The following BCAR3 variants were observed in gnomAD, a reference collection of about 807,000 sequenced individuals.
The protein encoded by BCAR3 is breast cancer anti-estrogen resistance protein 3.
In BCAR3, 37 loss-of-function variants were observed where a neutral mutation model predicts 80.1. That is an observed-to-expected ratio of 0.46 (90% CI 0.36 to 0.61). BCAR3 has a LOEUF of 0.61. Among genes scored for constraint, BCAR3 ranks in the 20% least tolerant of loss-of-function variants. The probability of loss-of-function intolerance (pLI) is 0.00; values close to 1 mark genes in which losing one functional copy is unlikely to be tolerated. For synonymous variants in BCAR3, 389 were observed against 418.9 expected, an observed-to-expected ratio of 0.93 and a Z score of 0.87; for missense variants, 978 against 1,068.2, an observed-to-expected ratio of 0.92 and a Z score of 1.18.
At chr1:93,800,070 A>C (rs1469182805) in intron 2 of BCAR3, among the ~76,000 whole-genome samples, 1 of 152,190 alleles carries the variant, frequency 6.6e-6, no homozygotes, top group Non-Finnish European at 1.5e-5. Context: ...GGAGTATTAC[A>C]AGGACTGGTG....
At chr1:93,800,670 G>A (rs1388097683) in intron 2 of BCAR3, among the ~76,000 whole-genome samples, 1 of 152,058 alleles carries the variant, frequency 6.6e-6, no homozygotes, top group Non-Finnish European at 1.5e-5. Context: ...ATGATTATCT[G>A]CTCTGAATTT....
chr1:93,764,631 C>T (rs1039690199), intron 2 of BCAR3, among the ~76,000 whole-genome samples: 5 of 152,160 alleles, frequency 3.3e-5, no homozygotes, highest in Admixed American at 3.3e-4. Context: ...CACATCGCTA[C>T]CAGGAGACCT....
chr1:93,772,314 T>G (rs12144059), intron 2 of BCAR3, among the ~76,000 whole-genome samples: 17,827 of 152,158 alleles, frequency 0.12, 1,465 homozygotes, highest in African/African-American at 0.22. Flanking sequence ...GGGGGCAGGA[T>G]ATGCCATGGC....
chr1:93,742,888 T>C (rs8179391), intron 2 of BCAR3, among the ~76,000 whole-genome samples: 41,854 of 152,106 alleles, frequency 0.28, 7,011 homozygotes, highest in East Asian at 0.53. Flanking sequence ...AATGTCATCA[T>C]ATAAAGAAGG....
At chr1:93,840,078 T>G (rs1334441247) in intron 2 of BCAR3, among the ~76,000 whole-genome samples, 1 of 152,182 alleles carries the variant, frequency 6.6e-6, no homozygotes. Context: ...AAAATGCTGA[T>G]GCCAGGGTCC....
intron 2 of BCAR3, among the ~76,000 whole-genome samples, chr1:93,717,676 C>T (rs1039994271): frequency 1.4e-5 from 2 of 146,040 alleles, no homozygotes; most frequent in South Asian, 2.1e-4. Context: ...TGCAGTGAGC[C>T]GAGATCGTGC....
At chr1:93,813,649 T>C (rs775753944) in intron 2 of BCAR3, among the ~76,000 whole-genome samples, 8 of 152,224 alleles carry the variant, frequency 5.3e-5, no homozygotes, top group Admixed American at 1.3e-4. Flanking sequence ...GTTGGAAACA[T>C]TGTACCCCTT....
At chr1:93,666,379 TTC>T (rs1647913750) in intron 2 of BCAR3, among the ~76,000 whole-genome samples, 1 of 152,214 alleles carries the variant, frequency 6.6e-6, no homozygotes, top group Admixed American at 6.5e-5. Context: ...CTGAAATATA[TTC>T]TCTTTTTATA....
chr1:93,633,378 TC>T (rs1482976271), intron 3 of BCAR3, among the ~76,000 whole-genome samples: 1 of 152,160 alleles, frequency 6.6e-6, no homozygotes, highest in Admixed American at 6.5e-5. Context: ...AACTTTCCAT[TC>T]CCACTGCGAC....
chr1:93,829,542 G>A (rs531020560), intron 2 of BCAR3, among the ~76,000 whole-genome samples: 17 of 151,644 alleles, frequency 1.1e-4, no homozygotes, highest in South Asian at 6.3e-4. Context: ...AAATTCCACC[G>A]AGAACTCCCA....
intron 3 of BCAR3, among the ~76,000 whole-genome samples, chr1:93,595,877 G>C (rs1208358709): frequency 1.3e-5 from 2 of 152,222 alleles, no homozygotes; most frequent in Non-Finnish European, 2.9e-5. Flanking sequence ...GAATTCTGTA[G>C]GCTTCCCACA....
intron 3 of BCAR3, among the ~76,000 whole-genome samples, chr1:93,699,226 C>A (rs1171971007): frequency 6.6e-6 from 1 of 152,204 alleles, no homozygotes; most frequent in African/African-American, 2.4e-5. Context: ...CTGTCTGGCT[C>A]CGACACATGG....
In BCAR3 at chr1:93,589,265, C is replaced by T. The variant is rs769831657; in HGVS notation, c.641G>A (p.Arg214His). The change falls in exon 5 of 12, where the codon CGC becomes CAC. Residue 214 changes from arginine (R) to histidine (H), a missense_variant. Coordinates refer to ENST00000260502, the MANE Select transcript of BCAR3 (RefSeq NM_003567.4). ...CTCCATCTCGAACTGGTACTGCACG[C>T]GGCTGTAGGCCTCGCTGAGTCGCAG... ...TVLRLSEAYS[R>H]VQYQFEMESF... 277 of 1,614,186 alleles carry T rather than the reference C, an allele frequency of 1.7e-4. No homozygotes were observed. Among genetic ancestry groups the T allele is most frequent in the Non-Finnish European group, 1.9e-4 (222 of 1,180,044 alleles).
At chr1:93,822,766 T>TC (rs1201932741) in intron 2 of BCAR3, among the ~76,000 whole-genome samples, 2 of 152,020 alleles carry the variant, frequency 1.3e-5, no homozygotes, top group Non-Finnish European at 2.9e-5. Flanking sequence ...ATTTTTTTTT[T>TC]TCCTGAAAGT....
At chr1:93,643,545 C>CAAAA (rs547667389) in intron 2 of BCAR3, among the ~76,000 whole-genome samples, 9 of 22,290 alleles carry the variant, frequency 4.0e-4, no homozygotes, top group African/African-American at 5.1e-4. Flanking sequence ...GACTCTTTCT[C>CAAAA]AAAAAAAAAA....
intron 2 of BCAR3, among the ~76,000 whole-genome samples, chr1:93,843,114 T>C (rs181877948): frequency 6.6e-6 from 1 of 152,270 alleles, no homozygotes; most frequent in East Asian, 1.9e-4. Flanking sequence ...AACCATGTGG[T>C]GGGTGGGACA....
chr1:93,594,401 A>C (rs1054847487), intron 3 of BCAR3: 2 of 152,204 alleles, frequency 1.3e-5, no homozygotes, highest in Non-Finnish European at 2.9e-5. Flanking sequence ...CTCAGTTCTG[A>C]CCAAGGAGCT....
At chr1:93,833,082 G>A (rs776829021) in intron 2 of BCAR3, among the ~76,000 whole-genome samples, 10 of 152,078 alleles carry the variant, frequency 6.6e-5, no homozygotes, top group Non-Finnish European at 1.0e-4. Context: ...TTCCCCAAGT[G>A]TCGGCCGGTC....
intron 2 of BCAR3, among the ~76,000 whole-genome samples, chr1:93,732,147 C>T (rs1156865894): frequency 6.6e-6 from 1 of 152,230 alleles, no homozygotes; most frequent in Non-Finnish European, 1.5e-5. Flanking sequence ...CGGGTGGCTT[C>T]ACAGTGTGGA....
Sources: gnomAD v4.1 joint callset for allele counts (sites outside exome capture counted in the v4.1 genomes callset) on GRCh38, gnomAD v4.1.1 for gene constraint, MANE v1.5 for transcripts, NCBI Gene and HGNC (gene_info 2026-07-23, HGNC 2026-07-21) for gene names.